The following LIMD1 variants were observed in gnomAD, a reference collection of about 807,000 sequenced individuals.
The protein encoded by LIMD1 is LIM domain-containing protein 1.
In LIMD1, 23 loss-of-function variants were observed where a neutral mutation model predicts 58.4. That is an observed-to-expected ratio of 0.39 (90% CI 0.28 to 0.56). LIMD1 has a LOEUF of 0.56. Ranked by LOEUF, LIMD1 falls within the 20% of genes least tolerant of loss-of-function variation. The pLI, the probability that LIMD1 is intolerant of heterozygous loss-of-function variation, is 0.57. For synonymous variants in LIMD1, 334 were observed against 345.5 expected (o/e 0.97, Z 0.37); for missense variants, 838 against 855.5 (o/e 0.98, Z 0.25).
At chr3:45,645,356 G>A (rs888466486) in intron 2 of LIMD1, among the ~76,000 whole-genome samples, 2 of 152,180 alleles carry the variant, frequency 1.3e-5, no homozygotes, top group African/African-American at 2.4e-5. Flanking sequence ...TGTTCCTATC[G>A]TCTGAACACA....
chr3:45,651,524 A>C lies in LIMD1; in HGVS notation c.1511-14126A>C, dbSNP rs866569540. Among the ~76,000 whole-genome samples the C allele has an allele frequency of 7.2e-5, 11 of 152,288 alleles. No individual in the cohort carries two copies. The Middle Eastern group carries it at 0.014, about 188-fold the overall frequency. ...TTAATTTTTGTGTAAGGTGGAAGGA[A>C]GGGATCCAGTTTCAGCTTTCTACAT... On this transcript the variant is annotated intron_variant, in intron 2 of 7. Coordinates refer to ENST00000273317, the MANE Select transcript of LIMD1 (RefSeq NM_014240.3).
In LIMD1 at chr3:45,680,097, A is replaced by G. The variant is rs1374922622; in HGVS notation, c.*3038A>G. 1.3e-5 allele frequency: 2 copies of G among 152,200 alleles called. No homozygotes were observed. The highest frequency in any genetic ancestry group is 4.8e-5 in the African/African-American group (2 of 41,444). The allele number at this position is 152,200 out of a possible 1,614,324, so 9.4% of individuals were successfully genotyped here. A position where few individuals can be genotyped will look rare whatever the true frequency, so the allele number is the denominator to read the frequency against. ...CTGTCACACAAAATGAAGAACAGAA[A>G]TGTTAGGACTTAAGAGAATGTTTGG... On this transcript the variant is annotated 3_prime_UTR_variant, in exon 8 of 8. Transcript: ENST00000273317.
At chr3:45,612,919 T>C (rs549027912) in intron 1 of LIMD1, 77 of 152,282 alleles carry the variant, frequency 5.1e-4, no homozygotes, top group African/African-American at 1.7e-3. Context: ...AAAGTTTGAG[T>C]CCCCTGACGC....
intron 3 of LIMD1, 67 bp downstream of exon 3, chr3:45,665,784 G>T: frequency 7.3e-7 from 1 of 1,361,900 alleles, no homozygotes. Context: ...GGCCTGGGGG[G>T]ACCTGGGCCA....
chr3:45,650,390 G>A (rs1391285577), intron 2 of LIMD1, among the ~76,000 whole-genome samples: 1 of 151,940 alleles, frequency 6.6e-6, no homozygotes, highest in African/African-American at 2.4e-5. Flanking sequence ...ACAATGTGCA[G>A]TTTTGTTACA....
chr3:45,646,104 T>C lies in LIMD1; in HGVS notation c.1510+9853T>C, dbSNP rs1701904384. ...CAGTACAGTAGCCACAAGCTGCACG[T>C]GGCTGTCTTCTTATGTCCCTTGCTT... is the stretch of plus-strand genomic sequence containing the variant. On this transcript the variant is annotated intron_variant, in intron 2 of 7. Coordinates refer to ENST00000273317, the MANE Select transcript of LIMD1 (RefSeq NM_014240.3). Among the ~76,000 whole-genome samples, 11 of 151,714 alleles carry C rather than the reference T, an allele frequency of 7.3e-5. No individual in the cohort carries two copies. In the South Asian group the frequency reaches 2.3e-3, roughly 32 times the overall value.
rs769519526 is a variant in LIMD1, at chr3:45,684,110, CAGAG to C, written c.*7055_*7058del. On this transcript the variant is annotated 3_prime_UTR_variant, in exon 8 of 8. Coordinates refer to ENST00000273317, the MANE Select transcript of LIMD1 (RefSeq NM_014240.3). Reference sequence around the variant, plus strand: ...TAGGTCATACTCTGTGGGTTATGGTCAGAGAGATCTGGTTAGAAGTTCCCAGGTA... The same window carrying C: ...TAGGTCATACTCTGTGGGTTATGGTCAGATCTGGTTAGAAGTTCCCAGGTA... The C allele has an allele frequency of 5.3e-5, 8 of 152,284 alleles. No homozygotes were observed. The highest frequency in any genetic ancestry group is 3.4e-3 in the Middle Eastern group (1 of 294). 9.4% of individuals were successfully genotyped at this position (152,284 alleles called of 1,614,324 possible).
chr3:45,608,716 TG>T (rs1701491953), intron 1 of LIMD1, among the ~76,000 whole-genome samples: 1 of 151,958 alleles, frequency 6.6e-6, no homozygotes, highest in Non-Finnish European at 1.5e-5. Flanking sequence ...GGCGCATGCC[TG>T]TAGTCCCAGC....
intron 5 of LIMD1, among the ~76,000 whole-genome samples, chr3:45,673,045 C>A (rs893899242): frequency 6.7e-5 from 10 of 150,186 alleles, no homozygotes; most frequent in Non-Finnish European, 1.0e-4. Flanking sequence ...AAAAAAAAAA[C>A]AACAGAGCAC....
chr3:45,612,342 C>G (rs1701534160), intron 1 of LIMD1, among the ~76,000 whole-genome samples: 1 of 152,124 alleles, frequency 6.6e-6, no homozygotes, highest in Non-Finnish European at 1.5e-5. Flanking sequence ...CCTCGGCCTC[C>G]CAAAGTGCTA....
At chr3:45,675,401 C>T (rs1428659284) in intron 7 of LIMD1, among the ~76,000 whole-genome samples, 12 of 151,996 alleles carry the variant, frequency 7.9e-5, no homozygotes, top group African/African-American at 1.9e-4. Flanking sequence ...TGGTGGCACA[C>T]GCCTGTAGTC....
intron 1 of LIMD1, among the ~76,000 whole-genome samples, chr3:45,623,053 G>A (rs1701641061): frequency 6.6e-6 from 1 of 152,078 alleles, no homozygotes; most frequent in Non-Finnish European, 1.5e-5. Flanking sequence ...GTATGAGAGA[G>A]CCCTTTCTCT....
chr3:45,613,820 C>T (rs1319992744), intron 1 of LIMD1, among the ~76,000 whole-genome samples: 2 of 152,122 alleles, frequency 1.3e-5, no homozygotes, highest in Non-Finnish European at 2.9e-5. Context: ...TGTATAGACA[C>T]AGGCTTTCGT....
At chr3:45,656,062 A>G (rs1702023789) in intron 2 of LIMD1, among the ~76,000 whole-genome samples, 1 of 152,168 alleles carries the variant, frequency 6.6e-6, no homozygotes, top group Non-Finnish European at 1.5e-5. Context: ...TCCTTATAAG[A>G]AGAGCTCAGA....
intron 2 of LIMD1, among the ~76,000 whole-genome samples, chr3:45,644,951 A>G (rs1701886710): frequency 1.3e-5 from 2 of 152,200 alleles, no homozygotes; most frequent in Non-Finnish European, 2.9e-5. Context: ...AAGGGCTTTA[A>G]TCCCTGAGTT....
At chr3:45,631,334 A>G (rs1701731799) in intron 1 of LIMD1, among the ~76,000 whole-genome samples, 1 of 151,956 alleles carries the variant, frequency 6.6e-6, no homozygotes, top group Non-Finnish European at 1.5e-5. Flanking sequence ...CTCCAAGTCC[A>G]GGGTCTGGCC....
chr3:45,632,514 G>T (rs1055143743), intron 1 of LIMD1: 2 of 985,406 alleles, frequency 2.0e-6, no homozygotes, highest in Non-Finnish European at 2.4e-6. Flanking sequence ...TGCTTGTGGG[G>T]GAACAGACAT....
chr3:45,611,331 C>T (rs1250251520), intron 1 of LIMD1, among the ~76,000 whole-genome samples: 2 of 152,224 alleles, frequency 1.3e-5, no homozygotes, highest in South Asian at 2.1e-4. Context: ...AGAACGAATC[C>T]GTTCCCACTT....
chr3:45,635,906 G>A (rs7648681), intron 1 of LIMD1: 378,691 of 984,640 alleles, frequency 0.38, 74,269 homozygotes, highest in Non-Finnish European at 0.4. Context: ...AGGAATTCTG[G>A]ACATTAGCAT....
Sources: allele counts gnomAD v4.1 joint callset (sites outside exome capture counted in the v4.1 genomes callset), GRCh38; gene constraint gnomAD v4.1.1; transcripts MANE v1.5; gene names NCBI Gene and HGNC (gene_info 2026-07-23, HGNC 2026-07-21).